Variants in NHS observed in about 807,000 individuals in gnomAD.
NHS encodes the protein actin remodeling regulator NHS.
NHS carries 5 observed loss-of-function variants against 72.5 expected under a neutral mutation model. That is an observed-to-expected ratio of 0.07 (90% CI 0.04 to 0.14). NHS has a LOEUF of 0.14. NHS is among the 10% of genes least tolerant of loss of function. The probability of loss-of-function intolerance (pLI) is 1.00; values close to 1 mark genes in which losing one functional copy is unlikely to be tolerated. For synonymous variants in NHS, 464 were observed against 547.7 expected (o/e 0.85, Z 2.13); for missense variants, 1,072 against 1,355.7 (o/e 0.79, Z 3.29).
intron 1 of NHS, among the ~76,000 whole-genome samples, chrX:17,472,743 A>T (rs1433069208): frequency 8.9e-6 from 1 of 111,892 alleles, no homozygotes; most frequent in Admixed American, 9.5e-5. Flanking sequence ...TTAGAGTTGG[A>T]TGGGAATCAG....
At chrX:17,683,682 G>C (rs1422584891) in intron 1 of NHS, among the ~76,000 whole-genome samples, 1 of 111,806 alleles carries the variant, frequency 8.9e-6, no homozygotes, top group East Asian at 2.8e-4. Context: ...TCCCACAAGA[G>C]CTTGTAGTCT....
At chrX:17,425,099 T>C (rs1009800246) in intron 1 of NHS, among the ~76,000 whole-genome samples, 4 of 111,936 alleles carry the variant, frequency 3.6e-5, no homozygotes, top group Non-Finnish European at 7.5e-5. Flanking sequence ...ATCTTTCTCT[T>C]TAAATCAGGT....
At chrX:17,704,533 C>T (rs1443128737) in intron 3 of NHS, among the ~76,000 whole-genome samples, 1 of 110,565 alleles carries the variant, frequency 9.0e-6, no homozygotes, top group East Asian at 2.9e-4. Flanking sequence ...CTCCTGACCT[C>T]GTGATCCACC....
At chrX:17,473,097 G>A (rs917447380) in intron 1 of NHS, among the ~76,000 whole-genome samples, 9 of 111,933 alleles carry the variant, frequency 8.0e-5, no homozygotes, top group Admixed American at 9.5e-5. Flanking sequence ...GGAAGCAAGC[G>A]TGTGCCAATA....
Position 17,576,342 on chromosome X carries a change from A to T in NHS, c.566-111400A>T, listed in dbSNP as rs2065510907. ...GATATTCTCTGATAAGGGTAACGAG[A>T]TGTATAGATTTGGTCTCTTCCCACC... is the stretch of plus-strand genomic sequence containing the variant. On this transcript the variant is annotated intron_variant, in intron 1 of 8. Coordinates refer to ENST00000676302, the MANE Select transcript of NHS (RefSeq NM_001291867.2). Among the ~76,000 whole-genome samples the T allele has an allele frequency of 2.7e-5, 3 of 111,543 alleles. No homozygotes were observed. The Admixed American group carries it at 2.8e-4, about 11-fold the overall frequency.
intron 1 of NHS, among the ~76,000 whole-genome samples, chrX:17,455,245 T>G (rs1453587026): frequency 9.0e-6 from 1 of 111,694 alleles, no homozygotes; most frequent in Non-Finnish European, 1.9e-5. Context: ...ATGTTGGTGT[T>G]GGAAGAAGAG....
chrX:17,525,415 G>A (rs2065167707), intron 1 of NHS, among the ~76,000 whole-genome samples: 1 of 111,989 alleles, frequency 8.9e-6, no homozygotes, highest in Non-Finnish European at 1.9e-5. Context: ...ATTGGAAGCA[G>A]ATGAATTAAG....
At chrX:17,433,678 C>G (rs1219697101) in intron 1 of NHS, among the ~76,000 whole-genome samples, 1 of 111,556 alleles carries the variant, frequency 9.0e-6, no homozygotes, top group Non-Finnish European at 1.9e-5. Context: ...TTTGACCAAA[C>G]TGGAAAGTAG....
intron 1 of NHS, among the ~76,000 whole-genome samples, chrX:17,584,781 G>A (rs1366907547): frequency 9.0e-6 from 1 of 111,485 alleles, no homozygotes; most frequent in African/African-American, 3.3e-5. Flanking sequence ...ACCTTACTGG[G>A]TGGTACTTGG....
chrX:17,527,375 G>C (rs2065178218), intron 1 of NHS, among the ~76,000 whole-genome samples: 1 of 113,336 alleles, frequency 8.8e-6, no homozygotes, highest in Non-Finnish European at 1.9e-5. Flanking sequence ...CCCTGGCTCT[G>C]CCCCTTCAGG....
chrX:17,657,940 G>A (rs908866855), intron 1 of NHS, among the ~76,000 whole-genome samples: 1 of 112,912 alleles, frequency 8.9e-6, no homozygotes, highest in Non-Finnish European at 1.9e-5. Flanking sequence ...TTCCTTTCCA[G>A]GTGGAAACCC....
At chrX:17,465,971 C>T (rs2064869223) in intron 1 of NHS, among the ~76,000 whole-genome samples, 1 of 113,043 alleles carries the variant, frequency 8.8e-6, no homozygotes, top group African/African-American at 3.2e-5. Flanking sequence ...GAATGTCTAG[C>T]ATATGGTGAT....
At chrX:17,442,937 T>C (rs1243188235) in intron 1 of NHS, among the ~76,000 whole-genome samples, 1 of 111,991 alleles carries the variant, frequency 8.9e-6, no homozygotes, top group Admixed American at 9.5e-5. Flanking sequence ...TTAAAGGACA[T>C]GGGCACAACC....
Position 17,436,164 on chromosome X carries a change from T to TA in NHS, c.565+59850dup, listed in dbSNP as rs375295418. Among the ~76,000 whole-genome samples the TA allele has an allele frequency of 2.7e-5, 3 of 111,589 alleles. No individual in the cohort carries two copies. In the South Asian group the frequency reaches 1.1e-3, roughly 42 times the overall value. ...TTGTTGTTGTTTGTTTGTTTGTTTT[T>TA]AAAAAAAACTTCAAAAAGTTGGGGC... is the stretch of plus-strand genomic sequence containing the variant. On this transcript the variant is annotated intron_variant, in intron 1 of 8. Coordinates refer to ENST00000676302, the MANE Select transcript of NHS (RefSeq NM_001291867.2).
chrX:17,629,018 G>A (rs1047282906), intron 1 of NHS, among the ~76,000 whole-genome samples: 7 of 112,765 alleles, frequency 6.2e-5, no homozygotes, highest in African/African-American at 1.6e-4. Context: ...ACAGTGAGGA[G>A]AGAGTTAAGA....
chrX:17,721,407 A>G, intron 4 of NHS, 34 bp from the exon 5 acceptor site: 1 of 1,192,086 alleles, frequency 8.4e-7, no homozygotes. Flanking sequence ...TGTATAAACT[A>G]TGATGGCTGA....
rs1337482433 is a variant in NHS, at chrX:17,727,346, A to G, written c.3240A>G (p.Glu1080=). 10 of 1,210,500 alleles carry G rather than the reference A, an allele frequency of 8.3e-6. No individual in the cohort carries two copies. The highest frequency in any genetic ancestry group is 1.1e-5 in the Non-Finnish European group (10 of 894,259). Residue 1080 remains glutamate, a synonymous_variant, in exon 7 of 9, where the codon GAA becomes GAG. Transcript: ENST00000676302. ...CTATATCACTGAGTAAAGACCTTGA[A>G]CTTCCAATTATACCTCCTACCCATC... The part of the protein sequence containing the change: ...DGTISLSKDL[E]LPIIPPTHLD...
At chrX:17,395,386 T>C (rs1243700203) in intron 1 of NHS, among the ~76,000 whole-genome samples, 2 of 111,912 alleles carry the variant, frequency 1.8e-5, no homozygotes, top group South Asian at 3.7e-4. Context: ...TGCTTAGTTT[T>C]CCCCCAAAAT....
intron 1 of NHS, among the ~76,000 whole-genome samples, chrX:17,468,204 T>TA (rs773507065): frequency 2.6e-4 from 28 of 109,569 alleles, no homozygotes; most frequent in Non-Finnish European, 4.8e-4. Flanking sequence ...TTGCCAGTGT[T>TA]AAAAAAAAAT....
Sources: gnomAD v4.1 joint callset for allele counts (sites outside exome capture counted in the v4.1 genomes callset) on GRCh38, gnomAD v4.1.1 for gene constraint, MANE v1.5 for transcripts, NCBI Gene and HGNC (gene_info 2026-07-23, HGNC 2026-07-21) for gene names.